TRABD2B: variants seen among roughly 807,000 people sequenced by gnomAD.
TRABD2B encodes the protein metalloprotease TIKI2.
Under a neutral mutation model 40.1 loss-of-function variants are expected in TRABD2B, and 14 were observed. The observed-to-expected ratio is 0.35, with a 90% CI of 0.23 to 0.55. The LOEUF (loss-of-function observed/expected upper bound fraction) is 0.55, where lower values mean the gene tolerates loss of function less well. Ranked by LOEUF, TRABD2B falls within the 20% of genes least tolerant of loss-of-function variation. The pLI is 0.90. For synonymous variants in TRABD2B, 263 were observed against 277.0 expected, an observed-to-expected ratio of 0.95 and a Z score of 0.50; for missense variants, 541 against 648.6, an observed-to-expected ratio of 0.83 and a Z score of 1.80.
Position 47,761,991 on chromosome 1 carries a change from G to A in TRABD2B, c.*3911C>T, listed in dbSNP as rs1322865413. 3.9e-5 allele frequency: 6 copies of A among 152,072 alleles called. No individual in the cohort carries two copies. The highest frequency in any genetic ancestry group is 1.9e-4 in the East Asian group (1 of 5,194). The allele number at this position is 152,072 out of a possible 1,614,324, so 9.4% of individuals were successfully genotyped here. ...CCTGCCATTAAGCTGCTCACAGTCC[G>A]AGAGGAGCAGATACACACTAGATAG... On this transcript the variant is annotated 3_prime_UTR_variant, in exon 7 of 7. Coordinates refer to ENST00000606738, the MANE Select transcript of TRABD2B (RefSeq NM_001194986.2).
chr1:47,863,799 C>T (rs1042087552), intron 2 of TRABD2B, among the ~76,000 whole-genome samples: 1 of 152,150 alleles, frequency 6.6e-6, no homozygotes, highest in Middle Eastern at 3.2e-3. Context: ...TGTACACAGA[C>T]ATTTATAACA....
chr1:47,923,915 TACACACACACACACACACACACACAC>T lies in TRABD2B; in HGVS notation c.666+70093_666+70118del, dbSNP rs60288001. Reference sequence around the variant, plus strand: ...CTCACTCTCTACACACATACACACATACACACACACACACACACACACACACACACACACACACACACACACACACA... The same window carrying T: ...CTCACTCTCTACACACATACACACATACACACACACACACACACACACACA... On this transcript the variant is annotated intron_variant, in intron 2 of 6. Transcript: ENST00000606738. 8.3e-5 allele frequency among the ~76,000 whole-genome samples: 11 copies of T among 132,612 alleles called. No homozygotes were observed. The South Asian group carries it at 8.4e-4, about 10-fold the overall frequency. 87.0% of individuals were successfully genotyped at this position (132,612 alleles called of 152,430 possible). A position where few individuals can be genotyped will look rare whatever the true frequency, so the allele number is the denominator to read the frequency against.
intron 2 of TRABD2B, among the ~76,000 whole-genome samples, chr1:47,916,221 C>T (rs760317205): frequency 2.6e-4 from 40 of 152,178 alleles, no homozygotes; most frequent in Non-Finnish European, 5.0e-4. Flanking sequence ...TGAGGCCCAG[C>T]CCTTACAGAA....
Position 47,797,210 on chromosome 1 carries a change from C to T in TRABD2B, c.814-2450G>A, listed in dbSNP as rs144844741. On this transcript the variant is annotated intron_variant, in intron 3 of 6. Coordinates refer to ENST00000606738, the MANE Select transcript of TRABD2B (RefSeq NM_001194986.2). Reference sequence around the variant, plus strand: ...AAATTGGTAACATGGGGGTAACACACATTATTGTAGGGATTAAACAAGATG... The same window carrying T: ...AAATTGGTAACATGGGGGTAACACATATTATTGTAGGGATTAAACAAGATG... Among the ~76,000 whole-genome samples, 9 of 152,320 alleles carry T rather than the reference C, an allele frequency of 5.9e-5. No individual in the cohort carries two copies. In the East Asian group the frequency reaches 1.7e-3, roughly 29 times the overall value.
intron 2 of TRABD2B, among the ~76,000 whole-genome samples, chr1:47,892,540 GA>G (rs1644462763): frequency 6.6e-6 from 1 of 152,208 alleles, no homozygotes; most frequent in African/African-American, 2.4e-5. Context: ...AGTAAGAATG[GA>G]TAAGTACAGA....
intron 2 of TRABD2B, among the ~76,000 whole-genome samples, chr1:47,950,306 T>G (rs565294358): frequency 6.6e-6 from 1 of 150,998 alleles, no homozygotes; most frequent in Admixed American, 6.6e-5. Context: ...AAAATAATAA[T>G]AAAAAGAAAG....
At chr1:47,975,161 A>G (rs1384991018) in intron 2 of TRABD2B, among the ~76,000 whole-genome samples, 1 of 152,242 alleles carries the variant, frequency 6.6e-6, no homozygotes, top group African/African-American at 2.4e-5. Context: ...ACTTTAGTTA[A>G]TAATGATGTA....
chr1:47,969,142 A>G (rs1023209851), intron 2 of TRABD2B, among the ~76,000 whole-genome samples: 3 of 152,196 alleles, frequency 2.0e-5, no homozygotes, highest in African/African-American at 7.2e-5. Context: ...TCTGCTCACC[A>G]TTCCCAGCCC....
intron 4 of TRABD2B, among the ~76,000 whole-genome samples, chr1:47,792,928 C>T (rs770538168): frequency 8.5e-5 from 13 of 152,086 alleles, no homozygotes; most frequent in Non-Finnish European, 1.8e-4. Context: ...GAGCAGGATG[C>T]ACTGCCCTGA....
At chr1:47,779,206 T>C (rs1644487540) in intron 4 of TRABD2B, among the ~76,000 whole-genome samples, 1 of 151,978 alleles carries the variant, frequency 6.6e-6, no homozygotes, top group Non-Finnish European at 1.5e-5. Flanking sequence ...GAACGCACTA[T>C]GGGCCAGGTC....
chr1:47,821,902 G>A (rs1279247425), intron 2 of TRABD2B, among the ~76,000 whole-genome samples: 1 of 152,044 alleles, frequency 6.6e-6, no homozygotes, highest in African/African-American at 2.4e-5. Context: ...TTCTACAGGG[G>A]GTGGAACAAT....
chr1:47,854,481 T>C (rs979505171), intron 2 of TRABD2B, among the ~76,000 whole-genome samples: 1 of 152,202 alleles, frequency 6.6e-6, no homozygotes, highest in East Asian at 1.9e-4. Flanking sequence ...GGAGCACAAA[T>C]GTTTTATCCA....
chr1:47,792,769 G>A (rs1163026046), intron 4 of TRABD2B, among the ~76,000 whole-genome samples: 1 of 152,122 alleles, frequency 6.6e-6, no homozygotes, highest in African/African-American at 2.4e-5. Context: ...GGGTCCTGGG[G>A]CAGGCAGGAC....
chr1:47,816,060 G>GT (rs1288302344), intron 2 of TRABD2B, among the ~76,000 whole-genome samples: 2 of 152,136 alleles, frequency 1.3e-5, no homozygotes, highest in African/African-American at 4.8e-5. Flanking sequence ...CCATGGTCTG[G>GT]TCTTAGACTG....
At chr1:47,768,031 C>A (rs534976610) in intron 6 of TRABD2B, among the ~76,000 whole-genome samples, 10 of 152,330 alleles carry the variant, frequency 6.6e-5, no homozygotes, top group South Asian at 2.1e-4. Flanking sequence ...GGGCTCTTGG[C>A]TTGGGAGCAG....
intron 2 of TRABD2B, among the ~76,000 whole-genome samples, chr1:47,864,390 G>A (rs1335748638): frequency 2.0e-5 from 3 of 152,012 alleles, no homozygotes; most frequent in Non-Finnish European, 2.9e-5. Context: ...AGGGGATGCT[G>A]TGCACATGTT....
intron 2 of TRABD2B, among the ~76,000 whole-genome samples, chr1:47,947,363 A>G (rs1370524570): frequency 1.3e-5 from 2 of 152,170 alleles, no homozygotes; most frequent in African/African-American, 2.4e-5. Flanking sequence ...GACCTCACCC[A>G]AGGTTGGTCA....
intron 3 of TRABD2B, 29 bp from the exon 4 acceptor site, chr1:47,794,789 A>ATTT: frequency 1.1e-4 from 109 of 980,614 alleles, no homozygotes; most frequent in Non-Finnish European, 1.3e-4. Context: ...GGCTGCCTTC[A>ATTT]GTTTTTTTTT....
chr1:47,899,641 TGAA>T (rs1446135319), intron 2 of TRABD2B, among the ~76,000 whole-genome samples: 4 of 152,164 alleles, frequency 2.6e-5, no homozygotes, highest in Middle Eastern at 3.2e-3. Flanking sequence ...TAGAACATTT[TGAA>T]GAAGAAAAAG....
Sources: allele counts gnomAD v4.1 joint callset (sites outside exome capture counted in the v4.1 genomes callset), GRCh38; gene constraint gnomAD v4.1.1; transcripts MANE v1.5; gene names NCBI Gene and HGNC (gene_info 2026-07-23, HGNC 2026-07-21).